MAP4K4: variants seen among roughly 807,000 people sequenced by gnomAD.
MAP4K4 encodes mitogen-activated protein kinase kinase kinase kinase 4.
MAP4K4 carries 38 observed loss-of-function variants against 189.6 expected under a neutral mutation model. The observed-to-expected ratio is 0.20, with a 90% CI of 0.15 to 0.26. The LOEUF (loss-of-function observed/expected upper bound fraction) is 0.26. Ranked by LOEUF, MAP4K4 falls within the 10% of genes least tolerant of loss-of-function variation. The pLI, the probability that MAP4K4 is intolerant of heterozygous loss-of-function variation, is 1.00. For missense variants in MAP4K4, 1,054 were observed against 1,726.9 expected (o/e 0.61, Z 6.91); for synonymous variants, 610 against 624.3 (o/e 0.98, Z 0.34).
intron 3 of MAP4K4, among the ~76,000 whole-genome samples, chr2:101,808,382 T>A (rs1217874948): frequency 6.6e-6 from 1 of 152,238 alleles, no homozygotes; most frequent in South Asian, 2.1e-4. Context: ...GGATTCTTGC[T>A]GCTTCAAGTG....
At chr2:101,879,488 T>C (rs926375254) in intron 27 of MAP4K4, among the ~76,000 whole-genome samples, 1 of 152,184 alleles carries the variant, frequency 6.6e-6, no homozygotes, top group East Asian at 1.9e-4. Flanking sequence ...AAACATTATA[T>C]ATAAAACTGT....
At chr2:101,705,417 A>ATG (rs2041800764) in intron 2 of MAP4K4, among the ~76,000 whole-genome samples, 2 of 88,388 alleles carry the variant, frequency 2.3e-5, no homozygotes, top group Non-Finnish European at 6.1e-5. Flanking sequence ...TTCAGACACA[A>ATG]TGAATGCACT....
intron 7 of MAP4K4, among the ~76,000 whole-genome samples, chr2:101,833,330 C>T (rs2096643118): frequency 6.6e-6 from 1 of 152,016 alleles, no homozygotes; most frequent in Non-Finnish European, 1.5e-5. Context: ...TTAAGAAATA[C>T]CATCTGATGG....
intron 22 of MAP4K4, 72 bp downstream of exon 22, chr2:101,869,869 G>T (rs2097928840): frequency 6.9e-7 from 1 of 1,455,930 alleles, no homozygotes; most frequent in Non-Finnish European, 9.1e-7. Flanking sequence ...GGACCTAGTT[G>T]TTCCTAGACT....
Position 101,716,585 on chromosome 2 carries a change from A to G in MAP4K4, c.123+18047A>G, listed in dbSNP as rs116698559. 1.4e-3 allele frequency among the ~76,000 whole-genome samples: 211 copies of G among 152,062 alleles called. 2 individuals carry two copies. The highest frequency in any genetic ancestry group is 4.8e-3 in the African/African-American group (198 of 41,482). ...AGTAAACCCATCAGATGGTGGTACT[A>G]TATCAGTTAGCCTTTGCTGGGTAGC... On this transcript the variant is annotated intron_variant, in intron 2 of 32. Transcript: ENST00000324219.
chr2:101,874,274 C>A (rs1446314822), intron 26 of MAP4K4, 22 bp downstream of exon 26: 6 of 1,588,368 alleles, frequency 3.8e-6, no homozygotes, highest in Non-Finnish European at 5.1e-6. Context: ...GCCACTACTC[C>A]AACACTTTCA....
At chr2:101,836,982 C>T (rs950563404) in intron 9 of MAP4K4, among the ~76,000 whole-genome samples, 1 of 152,042 alleles carries the variant, frequency 6.6e-6, no homozygotes, top group Non-Finnish European at 1.5e-5. Context: ...GAATTTCTTT[C>T]TGGGTCCTTT....
rs909209324 is a variant in MAP4K4, at chr2:101,856,157, T to C, written c.1395+19T>C. On this transcript the variant is annotated intron_variant, in intron 13 of 32. Coordinates refer to ENST00000324219, the Ensembl canonical transcript of MAP4K4. Reference sequence around the variant, plus strand: ...AGAACAGGTTAGTTCACAGATAACATAGCAGGCATACACTTGTGAAGTTTG... The same window carrying C: ...AGAACAGGTTAGTTCACAGATAACACAGCAGGCATACACTTGTGAAGTTTG... 3 of 1,547,154 alleles carry C rather than the reference T, an allele frequency of 1.9e-6. No individual in the cohort carries two copies. Among genetic ancestry groups the C allele is most frequent in the Non-Finnish European group, 2.6e-6 (3 of 1,145,840 alleles).
chr2:101,873,129 G>T (rs1032926079), intron 24 of MAP4K4, among the ~76,000 whole-genome samples: 2 of 152,010 alleles, frequency 1.3e-5, no homozygotes, highest in African/African-American at 4.8e-5. Flanking sequence ...ATTTGGTATG[G>T]GTTTAATGGT....
At chr2:101,816,480 T>C (rs2095725606) in intron 3 of MAP4K4, among the ~76,000 whole-genome samples, 1 of 152,140 alleles carries the variant, frequency 6.6e-6, no homozygotes, top group Non-Finnish European at 1.5e-5. Flanking sequence ...CTCTATTCAA[T>C]GTGTATTGTA....
At chr2:101,734,182 A>G (rs904278200) in intron 2 of MAP4K4, among the ~76,000 whole-genome samples, 13 of 152,222 alleles carry the variant, frequency 8.5e-5, no homozygotes, top group African/African-American at 2.4e-4. Context: ...AATAATAGAA[A>G]AGGTTAAAGT....
At chr2:101,771,040 A>G (rs533508417) in intron 2 of MAP4K4, among the ~76,000 whole-genome samples, 7 of 152,336 alleles carry the variant, frequency 4.6e-5, no homozygotes, top group African/African-American at 1.7e-4. Flanking sequence ...GAATTTACAC[A>G]ACTAAAACAG....
At chr2:101,705,059 A>G (rs760620244) in intron 2 of MAP4K4, among the ~76,000 whole-genome samples, 1 of 152,160 alleles carries the variant, frequency 6.6e-6, no homozygotes, top group Non-Finnish European at 1.5e-5. Flanking sequence ...TTTTGTCTGT[A>G]AGAATCTCTA....
chr2:101,736,464 C>T (rs1232931067), intron 2 of MAP4K4, among the ~76,000 whole-genome samples: 1 of 152,178 alleles, frequency 6.6e-6, no homozygotes, highest in African/African-American at 2.4e-5. Flanking sequence ...GTGTCTCTTG[C>T]TGTCATAGCA....
chr2:101,721,499 G>C (rs1203999242), intron 2 of MAP4K4, among the ~76,000 whole-genome samples: 1 of 150,338 alleles, frequency 6.7e-6, no homozygotes, highest in East Asian at 2.0e-4. Context: ...GCGGTGGCGC[G>C]ATCTCGGCTC....
intron 2 of MAP4K4, among the ~76,000 whole-genome samples, chr2:101,707,297 C>T (rs1256796064): frequency 1.3e-5 from 2 of 151,504 alleles, no homozygotes; most frequent in Admixed American, 6.6e-5. Flanking sequence ...TAGCCTCCGC[C>T]TTGTGGGTAC....
At chr2:101,790,822 CAA>C (rs771458265) in intron 3 of MAP4K4, 46 bp downstream of exon 3, 149 of 1,427,814 alleles carry the variant, frequency 1.0e-4, no homozygotes, top group Admixed American at 4.4e-4. Context: ...AGATGGAAGA[CAA>C]AGATTCCCCC....
exon 24 of MAP4K4, chr2:101,871,622 C>T (rs1404065651): frequency 1.3e-6 from 2 of 1,536,660 alleles, no homozygotes. Flanking sequence ...CCTCCCCATC[C>T]TCCAGCCAGC....
At chr2:101,865,153 G>T in intron 18 of MAP4K4, 117 bp downstream of exon 18, 1 of 611,204 alleles carries the variant, frequency 1.6e-6, no homozygotes, top group Non-Finnish European at 2.8e-6. Flanking sequence ...GAGATTATCA[G>T]TTATAAAAGG....
Sources: allele counts gnomAD v4.1 joint callset (sites outside exome capture counted in the v4.1 genomes callset), GRCh38; gene constraint gnomAD v4.1.1; transcripts MANE v1.5; gene names NCBI Gene and HGNC (gene_info 2026-07-23, HGNC 2026-07-21).